Variants in THADA observed in about 807,000 individuals in gnomAD.
THADA encodes the protein THADA armadillo repeat containing, also known as tRNA (32-2'-O)-methyltransferase regulator THADA.
In THADA, 213 loss-of-function variants were observed where a neutral mutation model predicts 219.8. The observed-to-expected ratio is 0.97, with a 90% CI of 0.87 to 1.09. The LOEUF (loss-of-function observed/expected upper bound fraction) is 1.09. THADA is among the 50% of genes least tolerant of loss of function. The pLI is 0.00. For synonymous variants in THADA, 1,018 were observed against 828.9 expected (o/e 1.23, Z -3.92); for missense variants, 2,956 against 2,311.3 (o/e 1.28, Z -5.72).
intron 26 of THADA, among the ~76,000 whole-genome samples, chr2:43,446,891 G>A (rs1288915886): frequency 6.6e-6 from 1 of 152,190 alleles, no homozygotes; most frequent in Non-Finnish European, 1.5e-5. Context: ...GTGTCAGCAA[G>A]GTACCTCTAG....
intron 14 of THADA, 121 bp downstream of exon 14, chr2:43,570,267 G>C (rs1466796030): frequency 3.9e-6 from 4 of 1,024,726 alleles, no homozygotes; most frequent in Non-Finnish European, 5.5e-6. Flanking sequence ...TACTCAGCTT[G>C]AAGGAAAAAA....
At chr2:43,582,394 G>T (rs533819813) in intron 7 of THADA, among the ~76,000 whole-genome samples, 1 of 151,496 alleles carries the variant, frequency 6.6e-6, no homozygotes, top group Admixed American at 6.6e-5. Flanking sequence ...CTACTCAGGG[G>T]GCTGAGGCAG....
At chr2:43,548,967 C>T (rs549980973) in intron 20 of THADA, among the ~76,000 whole-genome samples, 16 of 152,304 alleles carry the variant, frequency 1.1e-4, no homozygotes, top group African/African-American at 3.6e-4. Context: ...GCGTCACTCC[C>T]GCTGGGAGCT....
At chr2:43,512,574 C>T (rs1690632364) in intron 22 of THADA, among the ~76,000 whole-genome samples, 1 of 152,242 alleles carries the variant, frequency 6.6e-6, no homozygotes, top group African/African-American at 2.4e-5. Context: ...GCGATCTTGC[C>T]TCACTGCAAC....
At chr2:43,411,222 T>C (rs1383314291) in intron 28 of THADA, among the ~76,000 whole-genome samples, 1 of 152,210 alleles carries the variant, frequency 6.6e-6, no homozygotes, top group Non-Finnish European at 1.5e-5. Context: ...ATGTATGAGC[T>C]AGGATTCAAA....
At chr2:43,280,781 T>C (rs1444589992) in intron 35 of THADA, among the ~76,000 whole-genome samples, 1 of 152,220 alleles carries the variant, frequency 6.6e-6, no homozygotes, top group Non-Finnish European at 1.5e-5. Flanking sequence ...AGTCAGCCTG[T>C]GCTAGGTGCT....
intron 24 of THADA, among the ~76,000 whole-genome samples, chr2:43,505,385 A>G (rs1292326702): frequency 6.6e-6 from 1 of 152,144 alleles, no homozygotes; most frequent in Non-Finnish European, 1.5e-5. Context: ...AATGTTCAAG[A>G]GTTCTTTATC....
intron 23 of THADA, among the ~76,000 whole-genome samples, chr2:43,507,716 A>G (rs1689863467): frequency 1.3e-5 from 2 of 152,206 alleles, no homozygotes; most frequent in African/African-American, 2.4e-5. Context: ...TGCTTTTATT[A>G]TACCACCATA....
chr2:43,482,616 C>T (rs1248461930), intron 26 of THADA, among the ~76,000 whole-genome samples: 1 of 152,132 alleles, frequency 6.6e-6, no homozygotes, highest in Non-Finnish European at 1.5e-5. Context: ...TTTCTTATTT[C>T]TCCTCTAGTA....
chr2:43,578,560 GAAT>G lies in THADA; in HGVS notation c.766_768del (p.Ile256del). Reference sequence around the variant, plus strand: ...GGGTGAAACATAGTCTTAATAAAAAGAATAATAGCTAATCCAGATGTGCTCTGT... The same window carrying G: ...GGGTGAAACATAGTCTTAATAAAAAGAATAGCTAATCCAGATGTGCTCTGT... On this transcript the variant is annotated inframe_deletion, in exon 9 of 38. Transcript: ENST00000405975. 6.2e-7 allele frequency: 1 copy of G among 1,612,912 alleles called. No homozygotes were observed.
At chr2:43,418,034 T>A (rs1573548091) in intron 28 of THADA, among the ~76,000 whole-genome samples, 1 of 152,152 alleles carries the variant, frequency 6.6e-6, no homozygotes, top group South Asian at 2.1e-4. Context: ...AAAGAAGAGA[T>A]AAGAAGCATC....
At chr2:43,296,369 C>T (rs1262318113) in intron 31 of THADA, among the ~76,000 whole-genome samples, 2 of 151,810 alleles carry the variant, frequency 1.3e-5, no homozygotes, top group South Asian at 2.1e-4. Flanking sequence ...TTCGCCTCCC[C>T]GGTACAAGTA....
chr2:43,343,298 A>G (rs1667255404), intron 30 of THADA: 1 of 152,238 alleles, frequency 6.6e-6, no homozygotes, highest in Non-Finnish European at 1.5e-5. Flanking sequence ...AGCCTCCCAA[A>G]GTGCTGGGAT....
intron 22 of THADA, among the ~76,000 whole-genome samples, chr2:43,518,484 T>C (rs1184906013): frequency 4.6e-5 from 7 of 152,138 alleles, no homozygotes; most frequent in Non-Finnish European, 1.0e-4. Context: ...TCAACTCTAT[T>C]AACCTAACTG....
At chr2:43,549,531 T>C (rs903085375) in intron 19 of THADA, among the ~76,000 whole-genome samples, 163 bp from the exon 20 acceptor site, 2 of 152,190 alleles carry the variant, frequency 1.3e-5, no homozygotes, top group African/African-American at 4.8e-5. Flanking sequence ...TTATACAGTT[T>C]TCATGATGCT....
At chr2:43,360,631 GTTAAGT>G (rs1372380143) in intron 29 of THADA, among the ~76,000 whole-genome samples, 1 of 152,160 alleles carries the variant, frequency 6.6e-6, no homozygotes, top group Non-Finnish European at 1.5e-5. Context: ...CCCAGGAACT[GTTAAGT>G]TTATTTGTTG....
intron 26 of THADA, among the ~76,000 whole-genome samples, chr2:43,444,288 G>A (rs148381555): frequency 6.6e-6 from 1 of 152,232 alleles, no homozygotes; most frequent in Admixed American, 6.5e-5. Flanking sequence ...TAACATAGTA[G>A]TCTCTGTGTT....
chr2:43,328,238 T>C (rs1679555368), intron 30 of THADA, among the ~76,000 whole-genome samples: 1 of 152,178 alleles, frequency 6.6e-6, no homozygotes, highest in Non-Finnish European at 1.5e-5. Flanking sequence ...AAACAAGTCA[T>C]TTCCCCCACT....
At chr2:43,453,055 C>G (rs1682550670) in intron 26 of THADA, among the ~76,000 whole-genome samples, 1 of 152,150 alleles carries the variant, frequency 6.6e-6, no homozygotes, top group Non-Finnish European at 1.5e-5. Context: ...AACACTCAGG[C>G]TGAGACTTAT....
Sources: gnomAD v4.1 joint callset for allele counts (sites outside exome capture counted in the v4.1 genomes callset) on GRCh38, gnomAD v4.1.1 for gene constraint, MANE v1.5 for transcripts, NCBI Gene and HGNC (gene_info 2026-07-23, HGNC 2026-07-21) for gene names.